The following RPS6KC1 variants were observed in gnomAD, a reference collection of about 807,000 sequenced individuals.
The protein encoded by RPS6KC1 is inactive ribosomal protein S6 kinase delta-1.
RPS6KC1 carries 54 observed loss-of-function variants against 103.8 expected under a neutral mutation model. That is an observed-to-expected ratio of 0.52 (90% CI 0.42 to 0.65). The LOEUF is 0.65. Ranked by LOEUF, RPS6KC1 falls within the 30% of genes least tolerant of loss-of-function variation. RPS6KC1 has a pLI of 0.00. For missense variants in RPS6KC1, 1,151 were observed against 1,253.8 expected, an observed-to-expected ratio of 0.92 and a Z score of 1.24; for synonymous variants, 439 against 438.7, an observed-to-expected ratio of 1.00 and a Z score of -0.01.
chr1:213,203,173 TC>T (rs1415587617), intron 8 of RPS6KC1, among the ~76,000 whole-genome samples: 4 of 152,172 alleles, frequency 2.6e-5, no homozygotes, highest in Non-Finnish European at 5.9e-5. Flanking sequence ...TTGAAGTTTT[TC>T]AGACTTGGGG....
the RPS6KC1 span, among the ~76,000 whole-genome samples, chr1:213,307,889 C>T: frequency 5.3e-5 from 8 of 152,298 alleles, no homozygotes; most frequent in South Asian, 2.1e-4. Context: ...CCCAGTCTCC[C>T]GCATTCCAGA....
At chr1:213,108,507 C>A (rs957795796) in intron 4 of RPS6KC1, among the ~76,000 whole-genome samples, 25 of 152,040 alleles carry the variant, frequency 1.6e-4, no homozygotes, top group African/African-American at 6.0e-4. Flanking sequence ...TTGAAGTCAG[C>A]TAGTGTAAGT....
the RPS6KC1 span, among the ~76,000 whole-genome samples, chr1:213,320,567 T>G: frequency 6.6e-6 from 1 of 152,242 alleles, no homozygotes; most frequent in Non-Finnish European, 1.5e-5. Flanking sequence ...ACTGAATCTT[T>G]TCACTTGTTT....
At chr1:213,154,141 A>G (rs990612818) in intron 6 of RPS6KC1, among the ~76,000 whole-genome samples, 2 of 91,472 alleles carry the variant, frequency 2.2e-5, no homozygotes, top group African/African-American at 6.0e-5. Flanking sequence ...TAAGCCACCT[A>G]AAGCTGGAGG....
chr1:213,375,650 C>A, the RPS6KC1 span, among the ~76,000 whole-genome samples: 1 of 152,074 alleles, frequency 6.6e-6, no homozygotes, highest in African/African-American at 2.4e-5. Context: ...TGACAGAAAT[C>A]CAATTCAAAA....
the RPS6KC1 span, among the ~76,000 whole-genome samples, chr1:213,376,297 C>T: frequency 7.0e-4 from 106 of 152,136 alleles, 1 homozygote; most frequent in East Asian, 0.02. Flanking sequence ...TTTCCCTAGT[C>T]CCTAAAATCT....
intron 1 of RPS6KC1, among the ~76,000 whole-genome samples, chr1:213,057,377 G>A (rs1208502911): frequency 6.6e-6 from 1 of 152,130 alleles, no homozygotes; most frequent in Non-Finnish European, 1.5e-5. Flanking sequence ...CAATGAAATT[G>A]ACTTATTCTT....
chr1:213,138,853 T>A (rs2086686401), intron 6 of RPS6KC1, among the ~76,000 whole-genome samples: 1 of 152,134 alleles, frequency 6.6e-6, no homozygotes, highest in African/African-American at 2.4e-5. Flanking sequence ...ATAATTTGTA[T>A]CTTTGAGCAT....
chr1:213,302,326 C>A, the RPS6KC1 span, among the ~76,000 whole-genome samples: 2 of 152,146 alleles, frequency 1.3e-5, no homozygotes, highest in Non-Finnish European at 2.9e-5. Context: ...CTATTGTGTT[C>A]ATTGGCTCCT....
At chr1:213,137,799 ATTT>A (rs869154560) in intron 6 of RPS6KC1, among the ~76,000 whole-genome samples, 115 of 13,896 alleles carry the variant, frequency 8.3e-3, no homozygotes, top group African/African-American at 0.014. Flanking sequence ...ATATATATAT[ATTT>A]TTTTTTTTTT....
At chr1:213,136,513 C>T (rs2086281778) in intron 6 of RPS6KC1, among the ~76,000 whole-genome samples, 1 of 151,762 alleles carries the variant, frequency 6.6e-6, no homozygotes, top group African/African-American at 2.4e-5. Context: ...TGTCATGGCC[C>T]AACAGTGCCG....
chr1:213,181,536 CT>C (rs1300964859), intron 8 of RPS6KC1, among the ~76,000 whole-genome samples: 3 of 152,106 alleles, frequency 2.0e-5, no homozygotes, highest in African/African-American at 7.2e-5. Flanking sequence ...AAAACTGGTA[CT>C]TATTTTTTAA....
the RPS6KC1 span, among the ~76,000 whole-genome samples, chr1:213,593,062 A>AT: frequency 6.6e-6 from 1 of 150,486 alleles, no homozygotes; most frequent in African/African-American, 2.4e-5. Flanking sequence ...GAGCATTACA[A>AT]ACAGTGTTCA....
At chr1:213,542,514 C>T in the RPS6KC1 span, among the ~76,000 whole-genome samples, 2 of 152,166 alleles carry the variant, frequency 1.3e-5, no homozygotes, top group Non-Finnish European at 2.9e-5. Context: ...CTTTCTCTCT[C>T]AGTGTATGCT....
At chr1:213,424,566 A>G in the RPS6KC1 span, among the ~76,000 whole-genome samples, 1 of 152,246 alleles carries the variant, frequency 6.6e-6, no homozygotes, top group African/African-American at 2.4e-5. Flanking sequence ...GGCCTGGCCC[A>G]GGCCAGTGAG....
chr1:213,185,624 C>G (rs755584961), intron 8 of RPS6KC1, among the ~76,000 whole-genome samples: 5 of 151,832 alleles, frequency 3.3e-5, no homozygotes, highest in Admixed American at 6.6e-5. Flanking sequence ...CTCCATCCAG[C>G]CTGGGTGACA....
the RPS6KC1 span, among the ~76,000 whole-genome samples, chr1:213,711,524 C>T: frequency 6.6e-6 from 1 of 152,172 alleles, no homozygotes; most frequent in East Asian, 1.9e-4. Flanking sequence ...ATTCATTAAA[C>T]TGATTCTCCA....
At chr1:213,415,129 G>T in the RPS6KC1 span, among the ~76,000 whole-genome samples, 4 of 152,200 alleles carry the variant, frequency 2.6e-5, no homozygotes, top group Middle Eastern at 3.2e-3. Context: ...GCAAAGCTGT[G>T]CCATTTATTT....
At chr1:213,751,951 C>T in the RPS6KC1 span, among the ~76,000 whole-genome samples, 2 of 152,146 alleles carry the variant, frequency 1.3e-5, no homozygotes, top group East Asian at 1.9e-4. Flanking sequence ...CTACCCTTTA[C>T]CAGCTATGAG....
Sources: allele counts gnomAD v4.1 joint callset (sites outside exome capture counted in the v4.1 genomes callset), GRCh38; gene constraint gnomAD v4.1.1; transcripts MANE v1.5; gene names NCBI Gene and HGNC (gene_info 2026-07-23, HGNC 2026-07-21).